CAPN14: variants seen among roughly 807,000 people sequenced by gnomAD.
The protein encoded by CAPN14 is calpain 14.
A neutral mutation model predicts 101.3 loss-of-function variants in CAPN14; 94 were observed. The observed-to-expected ratio is 0.93, with a 90% CI of 0.79 to 1.10. CAPN14 has a LOEUF of 1.10. CAPN14 is among the 50% of genes least tolerant of loss of function. CAPN14 has a pLI of 0.00. For synonymous variants in CAPN14, 338 were observed against 317.9 expected (o/e 1.06, Z -0.67); for missense variants, 837 against 828.4 (o/e 1.01, Z -0.13).
intron 21 of CAPN14, among the ~76,000 whole-genome samples, chr2:31,175,836 G>C (rs570116283): frequency 6.6e-6 from 1 of 152,316 alleles, no homozygotes; most frequent in African/African-American, 2.4e-5. Flanking sequence ...AAAGAGCAGA[G>C]GATTGAACTC....
chr2:31,179,906 T>G (rs954921010), intron 17 of CAPN14, among the ~76,000 whole-genome samples: 1 of 152,244 alleles, frequency 6.6e-6, no homozygotes, highest in East Asian at 1.9e-4. Context: ...TATTTTGACA[T>G]GGCCAATTTG....
intron 2 of CAPN14, among the ~76,000 whole-genome samples, chr2:31,203,734 C>A (rs992129330): frequency 2.6e-5 from 4 of 152,108 alleles, no homozygotes; most frequent in Non-Finnish European, 5.9e-5. Flanking sequence ...AGGAGGCTCA[C>A]TGCAGAATTT....
rs1683169332 is a variant in CAPN14, at chr2:31,230,861, T to G, written c.-177+2930A>C. ...TTAGTTTTTTTCATTTTTCAGTTTGTGCTTCTGACGTCTTGTTTAAAGAAC... is the reference window on the plus strand; with the variant it reads ...TTAGTTTTTTTCATTTTTCAGTTTGGGCTTCTGACGTCTTGTTTAAAGAAC... On this transcript the variant is annotated intron_variant and NMD_transcript_variant, in intron 1 of 21. Transcript: ENST00000398824. The surrounding 1 kb of genome is among the most constrained non-coding windows in gnomAD (Gnocchi z 4.3). Among the ~76,000 whole-genome samples the G allele has an allele frequency of 6.6e-6, 1 of 152,252 alleles. No homozygotes were observed. Among genetic ancestry groups the G allele is most frequent in the East Asian group, 1.9e-4 (1 of 5,204 alleles).
At chr2:31,225,958 T>G (rs1279789331) in intron 2 of CAPN14, among the ~76,000 whole-genome samples, 1 of 152,058 alleles carries the variant, frequency 6.6e-6, no homozygotes, top group African/African-American at 2.4e-5. Flanking sequence ...AACATACTAG[T>G]AAGGGAGGGC....
At chr2:31,215,540 T>C (rs1391047708) in intron 1 of CAPN14, among the ~76,000 whole-genome samples, 3 of 152,188 alleles carry the variant, frequency 2.0e-5, no homozygotes, top group East Asian at 1.9e-4. Context: ...CGCTTCCTCC[T>C]GACCCCCTCT....
At chr2:31,233,747 CT>C (rs1361666649) in intron 1 of CAPN14, 1 of 144,908 alleles carries the variant, frequency 6.9e-6, no homozygotes, top group Admixed American at 6.7e-5. Context: ...AGTGGATCCC[CT>C]TTCTATGCCA....
chr2:31,200,878 T>C (rs1262384690), intron 5 of CAPN14, among the ~76,000 whole-genome samples: 4 of 152,180 alleles, frequency 2.6e-5, no homozygotes, highest in Non-Finnish European at 5.9e-5. Context: ...TTCCTTTAAA[T>C]GGACCATTCA....
At chr2:31,186,297 G>T in intron 16 of CAPN14, 131 bp downstream of exon 16, 1 of 510,104 alleles carries the variant, frequency 2.0e-6, no homozygotes, top group African/African-American at 2.0e-5. Context: ...TCCACCTTGT[G>T]TAAAATATAG....
intron 1 of CAPN14, among the ~76,000 whole-genome samples, chr2:31,233,069 C>G (rs1258287284): frequency 6.6e-6 from 1 of 152,220 alleles, no homozygotes; most frequent in Non-Finnish European, 1.5e-5. Context: ...CCCACTCACT[C>G]TCCTTAGTAT....
Position 31,189,284 on chromosome 2 carries a change from C to T in CAPN14, c.1482G>A (p.Lys494=). 1.9e-6 allele frequency: 3 copies of T among 1,551,192 alleles called. No homozygotes were observed. Among genetic ancestry groups the T allele is most frequent in the Non-Finnish European group, 1.7e-6 (2 of 1,146,988 alleles). ...SEFVLRVFSR[K]HIFYEIGSNS... ...CCTTGTGTCCTTACTAAAAGATGTGCTTCCTGGAGAAGACCCTGAGGACGA... is the reference window on the plus strand; with the variant it reads ...CCTTGTGTCCTTACTAAAAGATGTGTTTCCTGGAGAAGACCCTGAGGACGA... The change falls in exon 13 of 22, where the codon AAG becomes AAA. Residue 494 remains lysine, a synonymous_variant. Transcript: ENST00000403897.
At chr2:31,228,670 G>A (rs1683097575) in intron 1 of CAPN14, among the ~76,000 whole-genome samples, 1 of 152,188 alleles carries the variant, frequency 6.6e-6, no homozygotes, top group Non-Finnish European at 1.5e-5. Flanking sequence ...GCAGTGCCAT[G>A]TAGTGGATAA....
chr2:31,174,418 G>A lies in CAPN14; in HGVS notation c.*263C>T, dbSNP rs1191851278. ...TTAGGCCATGTCAGGTAACATCTCC[G>A]CTTGTGACAAGGTTGTGGCCTCAGG... On this transcript the variant is annotated 3_prime_UTR_variant, in exon 22 of 22. Transcript: ENST00000403897. 14 of 573,844 alleles carry A rather than the reference G, an allele frequency of 2.4e-5. No individual in the cohort carries two copies. The highest frequency in any genetic ancestry group is 1.9e-4 in the Admixed American group (6 of 31,838). The allele number at this position is 573,844 out of a possible 1,614,324, so 35.5% of individuals were successfully genotyped here.
intron 1 of CAPN14, among the ~76,000 whole-genome samples, chr2:31,231,870 C>T (rs746370144): frequency 6.6e-6 from 1 of 152,102 alleles, no homozygotes; most frequent in African/African-American, 2.4e-5. Flanking sequence ...GTGTCTGTTC[C>T]GGGTGTTTGA....
chr2:31,202,396 AGT>A, intron 3 of CAPN14, 144 bp from the exon 4 acceptor site: 1 of 646,580 alleles, frequency 1.5e-6, no homozygotes, highest in Admixed American at 2.7e-5. Flanking sequence ...GCGGATGATG[AGT>A]GAGCAGAGGT....
At chr2:31,176,992 A>C (rs753322963) in intron 20 of CAPN14, 34 bp downstream of exon 20, 14 of 1,439,244 alleles carry the variant, frequency 9.7e-6, no homozygotes, top group Middle Eastern at 1.7e-4. Context: ...CAGCAGAGGA[A>C]GACCTGGCCC....
chr2:31,194,755 T>C (rs1318789374), intron 8 of CAPN14, among the ~76,000 whole-genome samples: 1 of 152,148 alleles, frequency 6.6e-6, no homozygotes, highest in Non-Finnish European at 1.5e-5. Context: ...TTAAGAGAGA[T>C]TAGGTCATTT....
chr2:31,216,762 C>G (rs1341954256), intron 1 of CAPN14, among the ~76,000 whole-genome samples: 40 of 152,104 alleles, frequency 2.6e-4, no homozygotes, highest in Admixed American at 2.5e-3. Flanking sequence ...TCCTCCAGAG[C>G]TTTGAGGAGT....
intron 21 of CAPN14, among the ~76,000 whole-genome samples, chr2:31,175,046 C>T (rs1239854454): frequency 1.3e-5 from 2 of 152,136 alleles, no homozygotes; most frequent in African/African-American, 2.4e-5. Flanking sequence ...ATATTCTACA[C>T]GTTTACATTT....
chr2:31,178,617 T>C (rs1179790922), intron 17 of CAPN14, 38 bp from the exon 18 acceptor site: 10 of 1,378,918 alleles, frequency 7.3e-6, no homozygotes, highest in Non-Finnish European at 9.7e-6. Context: ...CCAGGGAGAG[T>C]TCTATCCATG....
Sources: gnomAD v4.1 joint callset for allele counts (sites outside exome capture counted in the v4.1 genomes callset) on GRCh38, gnomAD v4.1.1 for gene constraint, Gnocchi (gnomAD v3.1) non-coding constraint, MANE v1.5 for transcripts, NCBI Gene and HGNC (gene_info 2026-07-23, HGNC 2026-07-21) for gene names.